The following HTR1E variants were observed in gnomAD, a reference collection of about 807,000 sequenced individuals.
The protein encoded by HTR1E is 5-HT-1E.
HTR1E carries 3 observed loss-of-function variants against 3.4 expected under a neutral mutation model. The observed-to-expected ratio is 0.89, with a 90% CI of 0.41 to 2.31. HTR1E has a LOEUF of 2.31. HTR1E is among the 30% of genes most tolerant of loss of function. The probability of loss-of-function intolerance (pLI) is 0.05; values close to 1 mark genes in which losing one functional copy is unlikely to be tolerated. For synonymous variants in HTR1E, 170 were observed against 182.8 expected (o/e 0.93, Z 0.56); for missense variants, 392 against 467.0 (o/e 0.84, Z 1.48).
chr6:86,954,000 A>G (rs1021703302), intron 1 of HTR1E, among the ~76,000 whole-genome samples: 10 of 152,188 alleles, frequency 6.6e-5, no homozygotes, highest in Admixed American at 1.3e-4. Flanking sequence ...CCATGATTCA[A>G]TTACCTCCAA....
At chr6:86,977,142 A>G (rs1316844043) in intron 1 of HTR1E, among the ~76,000 whole-genome samples, 1 of 152,114 alleles carries the variant, frequency 6.6e-6, no homozygotes, top group African/African-American at 2.4e-5. Context: ...CTCAGGGAGT[A>G]AGCTTAGTAC....
chr6:86,991,841 T>C (rs1767873063), intron 1 of HTR1E, among the ~76,000 whole-genome samples: 2 of 152,198 alleles, frequency 1.3e-5, no homozygotes, highest in Non-Finnish European at 2.9e-5. Flanking sequence ...AGACTCCAGT[T>C]GCAAACATAT....
intron 1 of HTR1E, among the ~76,000 whole-genome samples, chr6:86,995,688 G>GAAAAA (rs58476122): frequency 1.1e-4 from 6 of 55,196 alleles, no homozygotes; most frequent in East Asian, 5.2e-4. Context: ...AAAAAAAAAA[G>GAAAAA]AAAAAAAAAA....
At chr6:87,005,672 T>TAATA (rs1768092611) in intron 1 of HTR1E, among the ~76,000 whole-genome samples, 1 of 152,084 alleles carries the variant, frequency 6.6e-6, no homozygotes, top group Non-Finnish European at 1.5e-5. Flanking sequence ...TCCAAGACAT[T>TAATA]AGTCTGGACA....
At chr6:86,988,526 T>G (rs916730827) in intron 1 of HTR1E, among the ~76,000 whole-genome samples, 9 of 152,204 alleles carry the variant, frequency 5.9e-5, no homozygotes, top group African/African-American at 2.2e-4. Context: ...CTCTTGTGCA[T>G]GCAGTGGGTT....
At chr6:86,959,034 C>G (rs1224422806) in intron 1 of HTR1E, among the ~76,000 whole-genome samples, 2 of 149,916 alleles carry the variant, frequency 1.3e-5, no homozygotes, top group East Asian at 4.0e-4. Flanking sequence ...AGTTGTGGAG[C>G]CTGGCAAGTT....
At chr6:86,946,522 G>C (rs1768618766) in intron 1 of HTR1E, among the ~76,000 whole-genome samples, 1 of 152,186 alleles carries the variant, frequency 6.6e-6, no homozygotes, top group African/African-American at 2.4e-5. Context: ...GCATTTCTCA[G>C]AATGTATGAT....
intron 1 of HTR1E, among the ~76,000 whole-genome samples, chr6:86,981,459 A>G (rs1468455612): frequency 6.6e-6 from 1 of 152,194 alleles, no homozygotes; most frequent in Non-Finnish European, 1.5e-5. Flanking sequence ...ATGTCCAAGT[A>G]ATGACTCCAC....
chr6:86,963,808 T>C (rs1401935068), intron 1 of HTR1E, among the ~76,000 whole-genome samples: 2 of 152,204 alleles, frequency 1.3e-5, no homozygotes, highest in African/African-American at 4.8e-5. Context: ...GATCTGTAAG[T>C]ACACTGTGAT....
chr6:87,004,589 A>G (rs1337163513), intron 1 of HTR1E, among the ~76,000 whole-genome samples: 1 of 152,202 alleles, frequency 6.6e-6, no homozygotes. Context: ...ATAGAAGTAC[A>G]TACCTCAACA....
intron 1 of HTR1E, among the ~76,000 whole-genome samples, chr6:87,009,230 CT>C (rs1404494393): frequency 6.7e-6 from 1 of 149,782 alleles, no homozygotes; most frequent in African/African-American, 2.5e-5. Context: ...GTTTGTGTCC[CT>C]GATTACTTGA....
At chr6:86,958,296 G>T (rs574461976) in intron 1 of HTR1E, among the ~76,000 whole-genome samples, 2 of 152,184 alleles carry the variant, frequency 1.3e-5, no homozygotes, top group East Asian at 3.9e-4. Flanking sequence ...CTGACCTCGT[G>T]ATCTGCCCAC....
chr6:86,993,125 C>G (rs1162291047), intron 1 of HTR1E, among the ~76,000 whole-genome samples: 2 of 151,942 alleles, frequency 1.3e-5, no homozygotes. Flanking sequence ...AGTTCATTCT[C>G]CAAAAGAAGA....
intron 1 of HTR1E, among the ~76,000 whole-genome samples, chr6:87,005,277 T>C (rs1768084605): frequency 6.6e-6 from 1 of 152,132 alleles, no homozygotes; most frequent in South Asian, 2.1e-4. Context: ...CCTAGAGTAG[T>C]CAAAGCCATT....
At chr6:86,965,399 C>T (rs1767459252) in intron 1 of HTR1E, among the ~76,000 whole-genome samples, 1 of 152,150 alleles carries the variant, frequency 6.6e-6, no homozygotes, top group Non-Finnish European at 1.5e-5. Context: ...TACAGTGGTT[C>T]TCAAATTTGG....
intron 1 of HTR1E, among the ~76,000 whole-genome samples, chr6:87,009,959 C>T (rs1489298196): frequency 4.1e-5 from 5 of 122,806 alleles, no homozygotes; most frequent in African/African-American, 6.7e-5. Context: ...TAGGGGCGGC[C>T]GGGCAGAGGC....
chr6:86,954,292 G>T (rs1562060108), intron 1 of HTR1E, among the ~76,000 whole-genome samples: 1 of 152,102 alleles, frequency 6.6e-6, no homozygotes, highest in Non-Finnish European at 1.5e-5. Flanking sequence ...CTCTTACTCT[G>T]CTTCTCTCAC....
chr6:86,973,929 G>C (rs976993559), intron 1 of HTR1E, among the ~76,000 whole-genome samples: 2 of 152,090 alleles, frequency 1.3e-5, no homozygotes, highest in Non-Finnish European at 2.9e-5. Flanking sequence ...GTAGAGAACC[G>C]ACTGGCCAGT....
chr6:87,002,879 A>G (rs2127830767), intron 1 of HTR1E, among the ~76,000 whole-genome samples: 1 of 152,352 alleles, frequency 6.6e-6, no homozygotes, highest in South Asian at 2.1e-4. Context: ...TAATAGCTGG[A>G]GACTTCAACA....
Sources: gnomAD v4.1 joint callset for allele counts (sites outside exome capture counted in the v4.1 genomes callset) on GRCh38, gnomAD v4.1.1 for gene constraint, MANE v1.5 for transcripts, NCBI Gene and HGNC (gene_info 2026-07-23, HGNC 2026-07-21) for gene names.